The following NR1H4 variants were observed in gnomAD, a reference collection of about 807,000 sequenced individuals.
The protein encoded by NR1H4 is nuclear receptor subfamily 1 group H member 4.
In NR1H4, 23 loss-of-function variants were observed where a neutral mutation model predicts 58.5. The observed-to-expected ratio is 0.39, with a 90% CI of 0.28 to 0.56. NR1H4 has a LOEUF of 0.56. Ranked by LOEUF, NR1H4 falls within the 20% of genes least tolerant of loss-of-function variation. The pLI is 0.58. For missense variants in NR1H4, 487 were observed against 576.9 expected (o/e 0.84, Z 1.60); for synonymous variants, 214 against 198.0 (o/e 1.08, Z -0.68).
chr12:100,537,764 A>G (rs1954846660), intron 8 of NR1H4, among the ~76,000 whole-genome samples: 1 of 152,168 alleles, frequency 6.6e-6, no homozygotes, highest in African/African-American at 2.4e-5. Flanking sequence ...CCCAGGCTGG[A>G]GTGCAATGGC....
At chr12:100,551,738 A>G (rs912315817) in intron 9 of NR1H4, among the ~76,000 whole-genome samples, 1 of 152,160 alleles carries the variant, frequency 6.6e-6, no homozygotes, top group Non-Finnish European at 1.5e-5. Flanking sequence ...GTATTTATTT[A>G]TGTCAAGTCG....
At chr12:100,518,364 G>A (rs1327099) in intron 4 of NR1H4, among the ~76,000 whole-genome samples, 1,875 of 152,326 alleles carry the variant, frequency 0.012, 69 homozygotes, top group East Asian at 0.1. Context: ...GGAGAAAGTA[G>A]TCAGAAGAGA....
intron 9 of NR1H4, among the ~76,000 whole-genome samples, chr12:100,542,175 G>A (rs1385389199): frequency 3.3e-5 from 5 of 151,766 alleles, no homozygotes; most frequent in South Asian, 2.1e-4. Flanking sequence ...GTGAAACTCC[G>A]TCTCTACTAA....
chr12:100,505,783 G>A (rs778035736), intron 3 of NR1H4: 35 of 517,002 alleles, frequency 6.8e-5, no homozygotes, highest in South Asian at 6.0e-5. Flanking sequence ...TTTTCAGAAA[G>A]CATACTCTAA....
At chr12:100,543,788 C>T (rs1163005072) in intron 9 of NR1H4, among the ~76,000 whole-genome samples, 1 of 152,092 alleles carries the variant, frequency 6.6e-6, no homozygotes, top group African/African-American at 2.4e-5. Context: ...AATTAAAGGA[C>T]AGGCTGAATT....
chr12:100,511,519 C>A (rs12310782), intron 4 of NR1H4, among the ~76,000 whole-genome samples: 13,667 of 152,008 alleles, frequency 0.09, 1,491 homozygotes, highest in East Asian at 0.31. Flanking sequence ...AAATTAAGAT[C>A]TAGAAGAATA....
At position 100,485,070 on chromosome 12, in the gene NR1H4, G is replaced by C. The variant is rs1953461927; in HGVS notation, c.-189-7433G>C. 2.0e-5 allele frequency among the ~76,000 whole-genome samples: 3 copies of C among 152,126 alleles called. No individual in the cohort carries two copies. The South Asian group carries it at 6.2e-4, about 32-fold the overall frequency. On this transcript the variant is annotated intron_variant, in intron 1 of 10. Transcript: ENST00000392986. ...TTCCTTGTATTTATTGCTCAACTTA[G>C]AAGGAGAGCATTACAGGTATTATAG...
chr12:100,527,526 T>A (rs1189810667), intron 4 of NR1H4, among the ~76,000 whole-genome samples: 2 of 152,144 alleles, frequency 1.3e-5, no homozygotes, highest in Non-Finnish European at 2.9e-5. Context: ...AGCAAGACCT[T>A]GTCTAAAAAA....
At chr12:100,492,802 CTAAA>C (rs1204789102) in intron 2 of NR1H4, among the ~76,000 whole-genome samples, 165 bp downstream of exon 2, 1 of 152,020 alleles carries the variant, frequency 6.6e-6, no homozygotes, top group Non-Finnish European at 1.5e-5. Flanking sequence ...GACATAATGC[CTAAA>C]TAGTCAAAAA....
chr12:100,500,369 C>G (rs1302190201), intron 3 of NR1H4, among the ~76,000 whole-genome samples: 1 of 152,168 alleles, frequency 6.6e-6, no homozygotes, highest in Non-Finnish European at 1.5e-5. Context: ...ACAACATTCA[C>G]AGTGCTCCCA....
At chr12:100,523,111 G>A (rs1470270745) in intron 4 of NR1H4, among the ~76,000 whole-genome samples, 1 of 152,094 alleles carries the variant, frequency 6.6e-6, no homozygotes, top group African/African-American at 2.4e-5. Context: ...TCTACTTTCA[G>A]TTCTTTAAGA....
At chr12:100,494,214 C>T (rs533857489) in intron 3 of NR1H4, among the ~76,000 whole-genome samples, 2 of 152,058 alleles carry the variant, frequency 1.3e-5, no homozygotes, top group African/African-American at 4.8e-5. Context: ...AAGGCATGAC[C>T]GCTTATTTGG....
At chr12:100,556,467 C>CAAAA (rs781520049) in intron 9 of NR1H4, among the ~76,000 whole-genome samples, 3 of 87,508 alleles carry the variant, frequency 3.4e-5, no homozygotes, top group Non-Finnish European at 5.9e-5. Flanking sequence ...AACTCCGTCT[C>CAAAA]AAAGAAAAAA....
intron 4 of NR1H4, among the ~76,000 whole-genome samples, chr12:100,519,145 G>T (rs1954346336): frequency 6.6e-6 from 1 of 152,120 alleles, no homozygotes; most frequent in Non-Finnish European, 1.5e-5. Context: ...TGTAGTGAAT[G>T]AGCACAAGAT....
At chr12:100,505,429 A>C in intron 3 of NR1H4, 1 of 462,116 alleles carries the variant, frequency 2.2e-6, no homozygotes, top group Non-Finnish European at 3.8e-6. Context: ...CCAAGGGTTC[A>C]ATATCCCTAT....
At chr12:100,500,616 A>G (rs981812319) in intron 3 of NR1H4, among the ~76,000 whole-genome samples, 2 of 152,058 alleles carry the variant, frequency 1.3e-5, no homozygotes, top group African/African-American at 2.4e-5. Context: ...TAATCCCCAC[A>G]TGTTGAGGGA....
At chr12:100,522,295 G>T (rs1041944790) in intron 4 of NR1H4, among the ~76,000 whole-genome samples, 4 of 152,156 alleles carry the variant, frequency 2.6e-5, no homozygotes, top group African/African-American at 9.7e-5. Context: ...TGCAGGCACT[G>T]TTCTGGGAGG....
chr12:100,480,849 G>A (rs950713167), intron 1 of NR1H4, among the ~76,000 whole-genome samples: 4 of 152,220 alleles, frequency 2.6e-5, no homozygotes, highest in African/African-American at 9.6e-5. Context: ...AGTTCAACTG[G>A]AATGAAAGGA....
intron 5 of NR1H4, among the ~76,000 whole-genome samples, 171 bp from the exon 6 acceptor site, chr12:100,534,719 G>C (rs1210917809): frequency 6.6e-6 from 1 of 152,112 alleles, no homozygotes; most frequent in Non-Finnish European, 1.5e-5. Context: ...CTTGTTCAAG[G>C]TTAAGTCTCA....
Sources: gnomAD v4.1 joint callset for allele counts (sites outside exome capture counted in the v4.1 genomes callset) on GRCh38, gnomAD v4.1.1 for gene constraint, MANE v1.5 for transcripts, NCBI Gene and HGNC (gene_info 2026-07-23, HGNC 2026-07-21) for gene names.